PPA2: variants seen among roughly 807,000 people sequenced by gnomAD.
PPA2 encodes inorganic pyrophosphatase 2.
Under a neutral mutation model 49.5 loss-of-function variants are expected in PPA2, and 48 were observed. The observed-to-expected ratio is 0.97, with a 90% CI of 0.77 to 1.23. PPA2 has a LOEUF of 1.23. Among genes scored for constraint, PPA2 ranks in the 50% most tolerant of loss-of-function variants. PPA2 has a pLI of 0.00. For missense variants in PPA2, 429 were observed against 410.1 expected (o/e 1.05, Z -0.40); for synonymous variants, 131 against 139.9 (o/e 0.94, Z 0.45).
At chr4:105,381,473 A>G (rs1733484954) in intron 10 of PPA2, among the ~76,000 whole-genome samples, 1 of 152,012 alleles carries the variant, frequency 6.6e-6, no homozygotes, top group African/African-American at 2.4e-5. Flanking sequence ...TGAAAACCTC[A>G]TTGGGATTCT....
At chr4:105,446,010 T>C (rs1722364677) in intron 5 of PPA2, among the ~76,000 whole-genome samples, 1 of 152,100 alleles carries the variant, frequency 6.6e-6, no homozygotes, top group African/African-American at 2.4e-5. Flanking sequence ...AATATAAAAT[T>C]TGTGCTATCA....
chr4:105,431,777 T>C (rs1304681950), intron 6 of PPA2, among the ~76,000 whole-genome samples: 1 of 152,168 alleles, frequency 6.6e-6, no homozygotes. Context: ...TGATACATGC[T>C]ACAACATGGA....
chr4:105,436,246 C>T (rs971681428), intron 6 of PPA2, among the ~76,000 whole-genome samples: 3 of 151,750 alleles, frequency 2.0e-5, no homozygotes, highest in Admixed American at 1.3e-4. Context: ...ACACACACCC[C>T]GCAGGAATAC....
At chr4:105,402,408 T>A (rs913205446) in intron 7 of PPA2, among the ~76,000 whole-genome samples, 1 of 152,122 alleles carries the variant, frequency 6.6e-6, no homozygotes, top group South Asian at 2.1e-4. Context: ...TCTGGTGAAA[T>A]CACTTTAGTA....
intron 1 of PPA2, among the ~76,000 whole-genome samples, chr4:105,471,523 T>C (rs1184793605): frequency 6.6e-6 from 1 of 152,248 alleles, no homozygotes; most frequent in East Asian, 1.9e-4. Flanking sequence ...GATTACACTT[T>C]AGTAACACTG....
Position 105,451,247 on chromosome 4 carries a change from G to C in PPA2, c.268-1844C>G, listed in dbSNP as rs528365152. On this transcript the variant is annotated intron_variant, in intron 3 of 11. Coordinates refer to ENST00000341695, the MANE Select transcript of PPA2 (RefSeq NM_176869.3). ...TGAAGAGTATCACAGAGGTTTTCTA[G>C]TGTAACATGGAATGCTGTTATTTCA... Among the ~76,000 whole-genome samples the C allele has an allele frequency of 1.3e-3, 197 of 152,248 alleles. 1 individual carries two copies. The Middle Eastern group carries it at 0.014, about 11-fold the overall frequency.
chr4:105,412,258 G>A lies in PPA2; in HGVS notation c.655+11938C>T, dbSNP rs558995518. Among the ~76,000 whole-genome samples, 78 of 152,224 alleles carry A rather than the reference G, an allele frequency of 5.1e-4. 1 individual carries two copies. The highest frequency in any genetic ancestry group is 3.4e-3 in the Middle Eastern group (1 of 294). The stretch of plus-strand genomic sequence containing the variant: ...ACCAAAACAGAGATATAGACCAATG[G>A]AACAGAACAGAGGCCTCACAAATAA... On this transcript the variant is annotated intron_variant, in intron 7 of 11. Transcript: ENST00000341695.
rs191370212 is a variant in PPA2, at chr4:105,409,116, C to A, written c.656-9952G>T. ...GCAGGGCATTGCCTCACCCGGGAAG[C>A]ACAAGGGATCGGGGATTTCCCTTTC... is the stretch of plus-strand genomic sequence containing the variant. On this transcript the variant is annotated intron_variant, in intron 7 of 11. Coordinates refer to ENST00000341695, the MANE Select transcript of PPA2 (RefSeq NM_176869.3). Among the ~76,000 whole-genome samples, 277 of 152,282 alleles carry A rather than the reference C, an allele frequency of 1.8e-3. 1 individual carries two copies. Among genetic ancestry groups the A allele is most frequent in the African/African-American group, 6.5e-3 (270 of 41,568 alleles).
chr4:105,408,247 C>A (rs1722577050), intron 7 of PPA2, among the ~76,000 whole-genome samples: 1 of 152,038 alleles, frequency 6.6e-6, no homozygotes, highest in Non-Finnish European at 1.5e-5. Flanking sequence ...AAGATAAAAC[C>A]ACTAAGGTGC....
At chr4:105,427,415 AC>A (rs2110275192) in intron 6 of PPA2, among the ~76,000 whole-genome samples, 1 of 152,302 alleles carries the variant, frequency 6.6e-6, no homozygotes, top group Non-Finnish European at 1.5e-5. Flanking sequence ...CTAGAGGAGC[AC>A]GTTCTAACCC....
intron 1 of PPA2, among the ~76,000 whole-genome samples, chr4:105,464,498 G>C (rs1471984618): frequency 6.6e-6 from 1 of 152,170 alleles, no homozygotes; most frequent in Non-Finnish European, 1.5e-5. Context: ...TGTTGGGAAG[G>C]CATGTTGGTT....
At chr4:105,409,912 C>G (rs1019317817) in intron 7 of PPA2, among the ~76,000 whole-genome samples, 1 of 152,176 alleles carries the variant, frequency 6.6e-6, no homozygotes, top group East Asian at 1.9e-4. Flanking sequence ...CTGTAGCTCA[C>G]CAACATCAAA....
At chr4:105,454,511 T>C (rs906668572) in intron 2 of PPA2, among the ~76,000 whole-genome samples, 3 of 152,080 alleles carry the variant, frequency 2.0e-5, no homozygotes, top group Admixed American at 6.5e-5. Flanking sequence ...TTTTTTGTAT[T>C]TTTAGTAGAG....
At chr4:105,417,798 G>A (rs1474163382) in intron 7 of PPA2, among the ~76,000 whole-genome samples, 1 of 152,130 alleles carries the variant, frequency 6.6e-6, no homozygotes, top group Non-Finnish European at 1.5e-5. Flanking sequence ...TTACTTAAGA[G>A]CAAATGGTCA....
chr4:105,370,782 C>G, intron 11 of PPA2, 55 bp downstream of exon 11: 23 of 1,348,380 alleles, frequency 1.7e-5, no homozygotes, highest in Non-Finnish European at 2.1e-5. Flanking sequence ...GCTTCCACTA[C>G]TGTAAACAAA....
chr4:105,414,551 C>A (rs1179075257), intron 7 of PPA2, among the ~76,000 whole-genome samples: 1 of 152,204 alleles, frequency 6.6e-6, no homozygotes, highest in African/African-American at 2.4e-5. Flanking sequence ...CAGGCAAACC[C>A]CGCAAGTGGC....
At chr4:105,370,114 A>C (rs987736171) in intron 11 of PPA2, among the ~76,000 whole-genome samples, 1 of 152,236 alleles carries the variant, frequency 6.6e-6, no homozygotes, top group Non-Finnish European at 1.5e-5. Context: ...AATGCCCCAA[A>C]TGGGATAGTA....
chr4:105,465,728 G>T (rs1427631570), intron 1 of PPA2, among the ~76,000 whole-genome samples: 1 of 152,138 alleles, frequency 6.6e-6, no homozygotes, highest in South Asian at 2.1e-4. Context: ...ATTCAGTGTT[G>T]CAGGCCTGTT....
intron 5 of PPA2, among the ~76,000 whole-genome samples, chr4:105,444,735 G>A (rs1724526429): frequency 6.6e-6 from 1 of 152,022 alleles, no homozygotes; most frequent in Admixed American, 6.6e-5. Flanking sequence ...AGATGAATTA[G>A]TAGTGCCTAT....
Sources: allele counts gnomAD v4.1 joint callset (sites outside exome capture counted in the v4.1 genomes callset), GRCh38; gene constraint gnomAD v4.1.1; transcripts MANE v1.5; gene names NCBI Gene and HGNC (gene_info 2026-07-23, HGNC 2026-07-21).